BACE1: variants seen among roughly 807,000 people sequenced by gnomAD.
BACE1 encodes the protein beta-secretase 1.
In BACE1, 21 loss-of-function variants were observed where a neutral mutation model predicts 54.0. The ratio of observed to expected loss-of-function variants is 0.39; its 90% CI spans 0.28 to 0.56. BACE1 has a LOEUF of 0.56. Ranked by LOEUF, BACE1 falls within the 20% of genes least tolerant of loss-of-function variation. The probability of loss-of-function intolerance (pLI) is 0.63; values close to 1 mark genes in which losing one functional copy is unlikely to be tolerated. For synonymous variants in BACE1, 232 were observed against 260.9 expected, an observed-to-expected ratio of 0.89 and a Z score of 1.07; for missense variants, 511 against 661.2, an observed-to-expected ratio of 0.77 and a Z score of 2.49.
At chr11:117,300,464 G>T (rs560836994) in intron 1 of BACE1, among the ~76,000 whole-genome samples, 9 of 151,268 alleles carry the variant, frequency 5.9e-5, no homozygotes, top group Admixed American at 3.9e-4. Context: ...GCGGGGGGAT[G>T]GGGGGGGCTC....
At position 117,286,632 on chromosome 11, in the gene BACE1, CT is replaced by C. The variant is rs1255553944; in HGVS notation, c.*2933del. 1 of 152,678 alleles carries C rather than the reference CT, an allele frequency of 6.5e-6. No homozygotes were observed. The highest frequency in any genetic ancestry group is 6.6e-5 in the Admixed American group (1 of 15,266). 9.5% of individuals were successfully genotyped at this position (152,678 alleles called of 1,614,324 possible). Reference sequence around the variant, plus strand: ...TGATCTCCTTTCTGCCTTTGATACTCTTTTCCTTCTTTGTCTTTCATCCTTG... The same window carrying C: ...TGATCTCCTTTCTGCCTTTGATACTCTTTCCTTCTTTGTCTTTCATCCTTG... On this transcript the variant is annotated 3_prime_UTR_variant, in exon 9 of 9. Coordinates refer to ENST00000313005, the MANE Select transcript of BACE1 (RefSeq NM_012104.6).
Position 117,315,393 on chromosome 11 carries a change from G to T in BACE1, c.261+142C>A. The T allele has an allele frequency of 8.5e-7, 1 of 1,173,318 alleles. No individual in the cohort carries two copies. The highest frequency in any genetic ancestry group is 1.1e-6 in the Non-Finnish European group (1 of 871,798). 72.7% of individuals were successfully genotyped at this position (1,173,318 alleles called of 1,614,324 possible). A position where few individuals can be genotyped will look rare whatever the true frequency, so the allele number is the denominator to read the frequency against. ...GGAACACTTCTGCCAACAACCACGT[G>T]ACCCCCGGGGAATGGCTGGGGAGGG... is the stretch of plus-strand genomic sequence containing the variant. On this transcript the variant is annotated intron_variant, in intron 1 of 8. Transcript: ENST00000313005. This position sits in a 1 kb window ranked among gnomAD's most constrained non-coding sequence, Gnocchi z 5.5.
At chr11:117,299,901 TCTC>T (rs767112084) in intron 1 of BACE1, among the ~76,000 whole-genome samples, 1 of 151,948 alleles carries the variant, frequency 6.6e-6, no homozygotes, top group Non-Finnish European at 1.5e-5. Flanking sequence ...AGAAAGAGGA[TCTC>T]CTCCACAACA....
Position 117,295,562 on chromosome 11 carries a change from C to G in BACE1, c.351-215G>C, listed in dbSNP as rs1046980409. 5.2e-6 allele frequency: 8 copies of G among 1,535,548 alleles called. No individual in the cohort carries two copies. The African/African-American group carries it at 5.5e-5, about 11-fold the overall frequency. On this transcript the variant is annotated intron_variant, in intron 2 of 8. Coordinates refer to ENST00000313005, the MANE Select transcript of BACE1 (RefSeq NM_012104.6). ...AAGGGAACCATTGGTGAGGCTTGCT[C>G]TCCTATCTATTGCTCATATTCCTAG...
At chr11:117,314,042 T>A (rs924275970) in intron 1 of BACE1, among the ~76,000 whole-genome samples, 7 of 152,186 alleles carry the variant, frequency 4.6e-5, no homozygotes, top group African/African-American at 1.7e-4. Context: ...GTGGTAGAGC[T>A]GGGATTCGTG....
intron 1 of BACE1, among the ~76,000 whole-genome samples, chr11:117,312,926 G>A (rs771242498): frequency 6.6e-5 from 10 of 152,182 alleles, no homozygotes; most frequent in Admixed American, 4.6e-4. Flanking sequence ...CCTTGTACTC[G>A]TCACTTCCGC....
chr11:117,291,587 GT>G (rs1021646945), intron 6 of BACE1, 124 bp downstream of exon 6: 8 of 689,488 alleles, frequency 1.2e-5, no homozygotes, highest in Non-Finnish European at 2.0e-5. Flanking sequence ...GGGGAAGAGT[GT>G]TTTAAGAGCT....
Position 117,304,646 on chromosome 11 carries a change from C to G in BACE1, c.262-7685G>C, listed in dbSNP as rs77759536. Among the ~76,000 whole-genome samples, 872 of 152,334 alleles carry G rather than the reference C, an allele frequency of 5.7e-3. 10 individuals are homozygous for G. Among genetic ancestry groups the G allele is most frequent in the Non-Finnish European group, 8.9e-3 (606 of 68,028 alleles). On this transcript the variant is annotated intron_variant, in intron 1 of 8. Transcript: ENST00000313005. Reference sequence around the variant, plus strand: ...GTCTGCAGCATTCTTTCCCTGTTCTCATGTTCACATTACACTTTAAATATC... The same window carrying G: ...GTCTGCAGCATTCTTTCCCTGTTCTGATGTTCACATTACACTTTAAATATC...
rs28989469 is a variant in BACE1 at position 117,309,465 on chromosome 11, C to T, written c.261+6070G>A. 1.7e-3 allele frequency among the ~76,000 whole-genome samples: 261 copies of T among 152,300 alleles called. 6 individuals carry two copies. In the East Asian group the frequency reaches 0.027, roughly 16 times the overall value. Reference sequence around the variant, plus strand: ...AGCTTTCTCCTCTTTCAAATACCTCCGTTTTGGCTGGGCGCGGTGGCTCAC... The same window carrying T: ...AGCTTTCTCCTCTTTCAAATACCTCTGTTTTGGCTGGGCGCGGTGGCTCAC... On this transcript the variant is annotated intron_variant, in intron 1 of 8. Coordinates refer to ENST00000313005, the MANE Select transcript of BACE1 (RefSeq NM_012104.6).
intron 5 of BACE1, among the ~76,000 whole-genome samples, chr11:117,292,485 T>C (rs2034472859): frequency 6.6e-6 from 1 of 152,202 alleles, no homozygotes. Flanking sequence ...CTTTTAACTT[T>C]TCTTAGTACA....
intron 1 of BACE1, among the ~76,000 whole-genome samples, chr11:117,308,143 C>T (rs1461118521): frequency 1.3e-5 from 2 of 152,038 alleles, no homozygotes; most frequent in Admixed American, 1.3e-4. Flanking sequence ...GGTCCCTTTA[C>T]AGAACCCTGC....
chr11:117,312,362 T>C (rs1473778311), intron 1 of BACE1, among the ~76,000 whole-genome samples: 3 of 152,222 alleles, frequency 2.0e-5, no homozygotes, highest in East Asian at 3.8e-4. Flanking sequence ...TTCAAGACCA[T>C]GCTCAGAGCA....
chr11:117,311,455 C>T (rs553274669), intron 1 of BACE1, among the ~76,000 whole-genome samples: 27 of 152,234 alleles, frequency 1.8e-4, no homozygotes, highest in Admixed American at 9.2e-4. Context: ...CTTTGATGCC[C>T]TCTTCCTTTC....
intron 6 of BACE1, among the ~76,000 whole-genome samples, chr11:117,291,497 T>C (rs1346987022): frequency 6.6e-6 from 1 of 152,104 alleles, no homozygotes; most frequent in Non-Finnish European, 1.5e-5. Context: ...AGGCTGGTCT[T>C]GAACTCCTGA....
rs750231650 is a variant in BACE1 at position 117,289,736 on chromosome 11, T to C, written c.1336A>G (p.Asn446Asp). 6.2e-6 allele frequency: 10 copies of C among 1,614,212 alleles called. No individual in the cohort carries two copies. The highest frequency in any genetic ancestry group is 3.3e-4 in the Middle Eastern group (2 of 6,062). ...VTLDMEDCGY[N>D]IPQTDESTLM... ...GTTGACTCATCTGTCTGTGGAATGT[T>C]GTAGCCACAGTCTTCCATGTCCAAG... The change falls in exon 9 of 9, where the codon AAC becomes GAC. Residue 446 changes from asparagine to aspartate, a missense_variant. This residue lies in a region of BACE1 where 407 missense variants were observed against 565.7 expected (regional missense o/e 0.72). Coordinates refer to ENST00000313005, the MANE Select transcript of BACE1 (RefSeq NM_012104.6).
At chr11:117,296,039 T>C (rs550409738) in intron 2 of BACE1, among the ~76,000 whole-genome samples, 35 of 152,296 alleles carry the variant, frequency 2.3e-4, no homozygotes, top group African/African-American at 7.7e-4. Flanking sequence ...TTCTTTTAGA[T>C]TGGGACATTA....
chr11:117,290,382 GT>G, intron 8 of BACE1, 105 bp downstream of exon 8: 1 of 1,407,516 alleles, frequency 7.1e-7, no homozygotes. Context: ...TGAGGCAACT[GT>G]TACTACCCTC....
rs1038235790 is a variant in BACE1 at position 117,293,616 on chromosome 11, G to A, written c.705+255C>T. On this transcript the variant is annotated intron_variant, in intron 4 of 8. Transcript: ENST00000313005. The surrounding 1 kb of genome is among the most constrained non-coding windows in gnomAD (Gnocchi z 4.1). ...AAACTGAATAATTTTAATTCAACAG[G>A]TCTTATTTTCATTTCCTTTGAAATT... 2.8e-6 allele frequency: 1 copy of A among 351,610 alleles called. No homozygotes were observed. Among genetic ancestry groups the A allele is most frequent in the Admixed American group, 4.5e-5 (1 of 22,136 alleles). 21.8% of individuals were successfully genotyped at this position (351,610 alleles called of 1,614,324 possible). A position where few individuals can be genotyped will look rare whatever the true frequency, so the allele number is the denominator to read the frequency against.
intron 5 of BACE1, chr11:117,292,763 T>C (rs910458912): frequency 7.3e-6 from 2 of 272,548 alleles, no homozygotes; most frequent in African/African-American, 4.5e-5. Flanking sequence ...CTCTTCATTC[T>C]ATCACCCTGT....
Sources: gnomAD v4.1 joint callset for allele counts (sites outside exome capture counted in the v4.1 genomes callset) on GRCh38, gnomAD v4.1.1 for gene constraint, gnomAD v4.1.1 regional missense constraint, Gnocchi (gnomAD v3.1) non-coding constraint, MANE v1.5 for transcripts, NCBI Gene and HGNC (gene_info 2026-07-23, HGNC 2026-07-21) for gene names.